The following PLCE1 variants were observed in gnomAD, a reference collection of about 807,000 sequenced individuals.
PLCE1 encodes phospholipase C epsilon 1, also known as 1-phosphatidylinositol 4,5-bisphosphate phosphodiesterase epsilon-1.
Under a neutral mutation model 242.8 loss-of-function variants are expected in PLCE1, and 119 were observed. The ratio of observed to expected loss-of-function variants is 0.49; its 90% CI spans 0.42 to 0.57. PLCE1 has a LOEUF of 0.57. PLCE1 is among the 20% of genes least tolerant of loss of function. PLCE1 has a pLI of 0.00. For synonymous variants in PLCE1, 945 were observed against 1,017.4 expected, an observed-to-expected ratio of 0.93 and a Z score of 1.35; for missense variants, 2,441 against 2,788.8, an observed-to-expected ratio of 0.88 and a Z score of 2.81.
At chr10:94,053,073 T>C (rs770085476) in intron 2 of PLCE1, among the ~76,000 whole-genome samples, 23 of 152,322 alleles carry the variant, frequency 1.5e-4, no homozygotes, top group Middle Eastern at 3.4e-3. Flanking sequence ...CTTCATTTCT[T>C]TGAGTTTTCA....
chr10:94,144,699 A>G (rs561760172), intron 3 of PLCE1, among the ~76,000 whole-genome samples: 1 of 152,154 alleles, frequency 6.6e-6, no homozygotes, highest in Admixed American at 6.5e-5. Context: ...TCTGGGCAGA[A>G]GCAATCATAT....
chr10:94,055,452 A>G (rs1321646191), intron 2 of PLCE1, among the ~76,000 whole-genome samples: 1 of 151,944 alleles, frequency 6.6e-6, no homozygotes, highest in Non-Finnish European at 1.5e-5. Flanking sequence ...AGTAGCTGGG[A>G]TTACAGGCAC....
intron 2 of PLCE1, among the ~76,000 whole-genome samples, chr10:94,077,784 A>C (rs1436826266): frequency 1.3e-5 from 2 of 152,166 alleles, no homozygotes; most frequent in Admixed American, 6.6e-5. Flanking sequence ...CAAACAAACA[A>C]AAAAACAGTG....
In PLCE1 at chr10:94,298,676, G is replaced by A. The variant is rs17516758; in HGVS notation, c.5458+7G>A. On this transcript the variant is annotated splice_region_variant and intron_variant, in intron 24 of 32. Coordinates refer to ENST00000371380, the MANE Select transcript of PLCE1 (RefSeq NM_016341.4). This position sits in a 1 kb window ranked among gnomAD's most constrained non-coding sequence, Gnocchi z 5.2. ...CTCAACTACCAGACTGATGGTAAGG[G>A]GCCTGCATGCTCACCTCGCTCCTTT... The A allele has an allele frequency of 0.15, 244,885 of 1,613,190 alleles. 19,905 individuals carry two copies. Among genetic ancestry groups the A allele is most frequent in the Middle Eastern group, 0.23 (1,367 of 6,052 alleles).
chr10:94,304,632 T>A lies in PLCE1; in HGVS notation c.5609T>A (p.Val1870Asp), dbSNP rs2053143079. ...ERDLDSMDPA[V>D]YSLTIVSGQN... ...GATCTGGACAGCATGGATCCTGCAG[T>A]CTATTCTTTAACTGTAAGTACGGCC... The change falls in exon 25 of 33, where the codon GTC becomes GAC. Residue 1870 changes from valine to aspartate, a missense_variant. By Grantham distance (152) the Val-to-Asp change is radical. This residue lies in a region of PLCE1 where 1,004 missense variants were observed against 1,322.7 expected (regional missense o/e 0.76). Transcript: ENST00000371380. The A allele has an allele frequency of 6.2e-7, 1 of 1,613,888 alleles. No individual in the cohort carries two copies. The highest frequency in any genetic ancestry group is 8.5e-7 in the Non-Finnish European group (1 of 1,179,954).
intron 2 of PLCE1, among the ~76,000 whole-genome samples, chr10:94,130,843 AG>A (rs1392253333): frequency 6.6e-6 from 1 of 152,102 alleles, no homozygotes; most frequent in African/African-American, 2.4e-5. Context: ...GGCCCTCTTG[AG>A]TGAGATTTGG....
intron 2 of PLCE1, among the ~76,000 whole-genome samples, chr10:94,047,566 A>G (rs891629875): frequency 1.6e-4 from 24 of 152,214 alleles, no homozygotes; most frequent in Non-Finnish European, 4.4e-5. Flanking sequence ...TTTTCAAAGC[A>G]TCTATTTTGA....
intron 2 of PLCE1, among the ~76,000 whole-genome samples, chr10:94,075,154 T>C (rs533367937): frequency 2.0e-4 from 31 of 152,290 alleles, no homozygotes; most frequent in African/African-American, 7.2e-4. Flanking sequence ...ACAATTAGTT[T>C]CTCTCTCCTC....
At chr10:94,156,904 A>T (rs540598890) in intron 3 of PLCE1, among the ~76,000 whole-genome samples, 6 of 152,300 alleles carry the variant, frequency 3.9e-5, no homozygotes, top group South Asian at 2.1e-4. Flanking sequence ...CTATGTCAGG[A>T]ACTGGGAGCA....
intron 24 of PLCE1, among the ~76,000 whole-genome samples, chr10:94,303,002 C>T (rs1006628954): frequency 6.6e-6 from 1 of 152,222 alleles, no homozygotes; most frequent in Non-Finnish European, 1.5e-5. Flanking sequence ...GGTGAGGCAG[C>T]ATGGCCACAA....
intron 4 of PLCE1, among the ~76,000 whole-genome samples, chr10:94,191,399 T>C (rs920294671): frequency 3.9e-5 from 6 of 152,086 alleles, no homozygotes; most frequent in Non-Finnish European, 7.3e-5. Flanking sequence ...CCCAGCACTT[T>C]GGGAGGCCAA....
Position 94,017,915 on chromosome 10 carries a change from A to G in PLCE1, c.-364-12768A>G, listed in dbSNP as rs549832639. ...AGAAAAGAGTTGCAGAAGCTGAATCATATCTTCTTTTGATTAAATCAGGAT... is the reference window on the plus strand; with the variant it reads ...AGAAAAGAGTTGCAGAAGCTGAATCGTATCTTCTTTTGATTAAATCAGGAT... On this transcript the variant is annotated intron_variant, in intron 1 of 32. Coordinates refer to ENST00000371380, the MANE Select transcript of PLCE1 (RefSeq NM_016341.4). Among the ~76,000 whole-genome samples the G allele has an allele frequency of 2.6e-5, 4 of 152,326 alleles. No individual in the cohort carries two copies. The South Asian group carries it at 8.3e-4, about 32-fold the overall frequency.
In PLCE1 at chr10:94,226,831, C is replaced by CTCTTTTTT. The variant is rs67656949; in HGVS notation, c.1810-474_1810-473insCTTTTTTT. Among the ~76,000 whole-genome samples the CTCTTTTTT allele has an allele frequency of 1.1e-3, 113 of 101,808 alleles. 4 individuals are homozygous for CTCTTTTTT. Among genetic ancestry groups the CTCTTTTTT allele is most frequent in the Middle Eastern group, 6.3e-3 (1 of 158 alleles). 66.8% of individuals were successfully genotyped at this position (101,808 alleles called of 152,430 possible). A position where few individuals can be genotyped will look rare whatever the true frequency, so the allele number is the denominator to read the frequency against. On this transcript the variant is annotated intron_variant, in intron 4 of 32. Transcript: ENST00000371380. Reference sequence around the variant, plus strand: ...TATAAGAGATTAAGGACCTATAGGTCTTTTTTTTTTTTTTTTTTTTTTTTT... The same window carrying CTCTTTTTT: ...TATAAGAGATTAAGGACCTATAGGTCTCTTTTTTTTTTTTTTTTTTTTTTTTTTTTTTT...
At chr10:94,013,188 GA>G (rs1241435286) in intron 1 of PLCE1, among the ~76,000 whole-genome samples, 1 of 152,188 alleles carries the variant, frequency 6.6e-6, no homozygotes, top group East Asian at 1.9e-4. Flanking sequence ...CCCTTAGTAA[GA>G]AAACTCTCTG....
chr10:94,315,598 G>C (rs2053539361), intron 28 of PLCE1: 5 of 429,138 alleles, frequency 1.2e-5, no homozygotes, highest in South Asian at 8.4e-5. Flanking sequence ...GTGAAACCCT[G>C]TCTCCACTAA....
intron 3 of PLCE1, among the ~76,000 whole-genome samples, chr10:94,149,363 C>T (rs1263507841): frequency 1.3e-5 from 2 of 152,192 alleles, no homozygotes; most frequent in African/African-American, 4.8e-5. Flanking sequence ...GACTTCTAAC[C>T]CAAATGCCAT....
chr10:94,148,796 A>G (rs1345348289), intron 3 of PLCE1, among the ~76,000 whole-genome samples: 1 of 152,238 alleles, frequency 6.6e-6, no homozygotes, highest in African/African-American at 2.4e-5. Flanking sequence ...CGTAGACGTC[A>G]TACCTCATTT....
intron 2 of PLCE1, chr10:94,103,991 T>C (rs2045634480): frequency 6.6e-6 from 1 of 152,190 alleles, no homozygotes; most frequent in African/African-American, 2.4e-5. Context: ...CTCTTAGCCT[T>C]CCTAAGTAAA....
chr10:94,293,455 G>A (rs371271706), intron 22 of PLCE1, 53 bp from the exon 23 acceptor site: 2 of 1,592,898 alleles, frequency 1.3e-6, no homozygotes, highest in Non-Finnish European at 8.6e-7. Flanking sequence ...GGAAAATGTT[G>A]AGTTGCCTTG....
Sources: allele counts gnomAD v4.1 joint callset (sites outside exome capture counted in the v4.1 genomes callset), GRCh38; gene constraint gnomAD v4.1.1; regional missense constraint gnomAD v4.1.1; non-coding constraint Gnocchi (gnomAD v3.1); transcripts MANE v1.5; gene names NCBI Gene and HGNC (gene_info 2026-07-23, HGNC 2026-07-21).